Variants in SETD2 observed in about 807,000 individuals in gnomAD.
SETD2 encodes the protein SET domain containing 2, histone lysine methyltransferase.
In SETD2, 31 loss-of-function variants were observed where a neutral mutation model predicts 242.1. The observed-to-expected ratio is 0.13, with a 90% CI of 0.10 to 0.17. The LOEUF is 0.17. Among genes scored for constraint, SETD2 ranks in the 10% least tolerant of loss-of-function variants. The pLI, the probability that SETD2 is intolerant of heterozygous loss-of-function variation, is 1.00. For missense variants in SETD2, 2,481 were observed against 3,046.3 expected, an observed-to-expected ratio of 0.81 and a Z score of 4.37; for synonymous variants, 1,006 against 1,066.5, an observed-to-expected ratio of 0.94 and a Z score of 1.11.
chr3:47,094,158 A>C (rs977641610), intron 9 of SETD2, among the ~76,000 whole-genome samples: 1 of 152,220 alleles, frequency 6.6e-6, no homozygotes, highest in African/African-American at 2.4e-5. Flanking sequence ...CAAACAATAG[A>C]GACTAAGGGA....
At chr3:47,157,432 A>G (rs1309394179) in intron 1 of SETD2, 8 of 455,228 alleles carry the variant, frequency 1.8e-5, no homozygotes, top group Admixed American at 7.1e-5. Flanking sequence ...GAATCTGACT[A>G]TCCTGACTGC....
intron 13 of SETD2, among the ~76,000 whole-genome samples, chr3:47,064,333 C>T (rs141454463): frequency 1.5e-4 from 23 of 152,272 alleles, no homozygotes; most frequent in African/African-American, 4.1e-4. Context: ...CTCATTTGTA[C>T]CACATCCGGG....
chr3:47,126,798 T>C, intron 1 of SETD2, 135 bp from the exon 2 acceptor site: 1 of 544,602 alleles, frequency 1.8e-6, no homozygotes, highest in Non-Finnish European at 3.2e-6. Flanking sequence ...ATATGGATTG[T>C]CCATTCCTTC....
chr3:47,163,215 G>A (rs1697552133), intron 1 of SETD2, among the ~76,000 whole-genome samples: 2 of 152,216 alleles, frequency 1.3e-5, no homozygotes, highest in South Asian at 4.1e-4. Flanking sequence ...AAACCCAAGT[G>A]CCAAAGGTGC....
At chr3:47,078,249 A>G (rs1340024221) in intron 12 of SETD2, among the ~76,000 whole-genome samples, 2 of 152,222 alleles carry the variant, frequency 1.3e-5, no homozygotes, top group Non-Finnish European at 2.9e-5. Flanking sequence ...TAATCGAGTG[A>G]TAAAAGTTGA....
chr3:47,099,090 A>G (rs2107677283), intron 8 of SETD2, among the ~76,000 whole-genome samples: 1 of 152,322 alleles, frequency 6.6e-6, no homozygotes, highest in South Asian at 2.1e-4. Context: ...TAATCAGATC[A>G]TCAGTTTCAG....
intron 8 of SETD2, among the ~76,000 whole-genome samples, chr3:47,099,764 T>A (rs2042137508): frequency 1.3e-5 from 2 of 152,094 alleles, no homozygotes; most frequent in Admixed American, 1.3e-4. Flanking sequence ...CATGCACCAC[T>A]CACCTACTAC....
At chr3:47,101,594 A>C (rs1307656824) in intron 7 of SETD2, 39 bp from the exon 8 acceptor site, 1 of 1,028,994 alleles carries the variant, frequency 9.7e-7, no homozygotes, top group Admixed American at 1.8e-5. Context: ...TTAGTAACTT[A>C]TTAGTGTGTG....
intron 1 of SETD2, 200 bp downstream of exon 1, chr3:47,163,654 G>A: frequency 3.1e-6 from 1 of 325,110 alleles, no homozygotes; most frequent in Non-Finnish European, 5.2e-6. Context: ...CCAACGCCGG[G>A]CCCAACCGCG....
intron 18 of SETD2, 65 bp downstream of exon 18, chr3:47,037,601 C>T: frequency 8.4e-7 from 1 of 1,192,712 alleles, no homozygotes; most frequent in Non-Finnish European, 1.3e-6. Flanking sequence ...AATCCCAAGA[C>T]CATGCGGGAT....
In SETD2 at chr3:47,105,586, G is replaced by A. The variant is rs80265220; in HGVS notation, c.4839+411C>T. ...CCACGCTTTTTGAAAACAAATAGACGCTATTTATACTGCTCTGCCCCTCAT... is the reference window on the plus strand; with the variant it reads ...CCACGCTTTTTGAAAACAAATAGACACTATTTATACTGCTCTGCCCCTCAT... On this transcript the variant is annotated intron_variant, in intron 6 of 20. Transcript: ENST00000409792. The A allele has an allele frequency of 8.4e-3, 2,634 of 313,524 alleles. 17 individuals are homozygous for A. Among genetic ancestry groups the A allele is most frequent in the Non-Finnish European group, 0.012 (1,958 of 156,858 alleles). The allele number at this position is 313,524 out of a possible 1,614,324, so 19.4% of individuals were successfully genotyped here.
chr3:47,084,532 C>T, intron 11 of SETD2, 150 bp from the exon 12 acceptor site: 1 of 599,512 alleles, frequency 1.7e-6, no homozygotes, highest in South Asian at 2.1e-5. Context: ...TCAAGCAATT[C>T]TCCTGTCTCA....
chr3:47,145,545 A>G (rs1460044899), intron 1 of SETD2: 1 of 419,122 alleles, frequency 2.4e-6, no homozygotes, highest in Non-Finnish European at 4.9e-6. Context: ...GCATGCCACC[A>G]TGCCCAGCTT....
chr3:47,067,180 A>C, intron 12 of SETD2, 62 bp from the exon 13 acceptor site: 1 of 1,205,186 alleles, frequency 8.3e-7, no homozygotes, highest in Non-Finnish European at 1.2e-6. Flanking sequence ...TTGCTTTGAA[A>C]CTGACTGTTT....
chr3:47,033,931 A>T (rs2038890177), intron 18 of SETD2, among the ~76,000 whole-genome samples: 1 of 152,056 alleles, frequency 6.6e-6, no homozygotes, highest in Non-Finnish European at 1.5e-5. Flanking sequence ...TGGGCCTCCC[A>T]AAGTGCTAGG....
chr3:47,112,389 C>A (rs2042691286), intron 5 of SETD2, among the ~76,000 whole-genome samples: 1 of 152,126 alleles, frequency 6.6e-6, no homozygotes, highest in African/African-American at 2.4e-5. Flanking sequence ...TCAAGAGATT[C>A]TCCTGCCTCA....
At chr3:47,093,717 T>TA (rs2041896785) in intron 9 of SETD2, among the ~76,000 whole-genome samples, 1 of 152,240 alleles carries the variant, frequency 6.6e-6, no homozygotes, top group Non-Finnish European at 1.5e-5. Context: ...TCATATGGTA[T>TA]ATGTTCTTTC....
intron 3 of SETD2, chr3:47,119,313 T>C (rs2042981308): frequency 6.6e-6 from 1 of 152,310 alleles, no homozygotes; most frequent in South Asian, 2.1e-4. Context: ...TTGTTTCATG[T>C]TAGGGATTTT....
chr3:47,080,596 T>C (rs1462258589), intron 12 of SETD2, among the ~76,000 whole-genome samples: 3 of 152,166 alleles, frequency 2.0e-5, no homozygotes. Flanking sequence ...ATGCAACAAT[T>C]TCTTCTGCAA....
Sources: gnomAD v4.1 joint callset for allele counts (sites outside exome capture counted in the v4.1 genomes callset) on GRCh38, gnomAD v4.1.1 for gene constraint, MANE v1.5 for transcripts, NCBI Gene and HGNC (gene_info 2026-07-23, HGNC 2026-07-21) for gene names.